Variants in KRT82 observed in about 807,000 individuals in gnomAD.
KRT82 encodes the protein keratin, type II cuticular Hb2.
Under a neutral mutation model 48.0 loss-of-function variants are expected in KRT82, and 44 were observed. That is an observed-to-expected ratio of 0.92 (90% CI 0.72 to 1.18). The LOEUF (loss-of-function observed/expected upper bound fraction) is 1.18. KRT82 is among the 50% of genes most tolerant of loss of function. The pLI, the probability that KRT82 is intolerant of heterozygous loss-of-function variation, is 0.00. For synonymous variants in KRT82, 297 were observed against 278.3 expected, an observed-to-expected ratio of 1.07 and a Z score of -0.67; for missense variants, 701 against 671.4, an observed-to-expected ratio of 1.04 and a Z score of -0.49.
In KRT82 at chr12:52,395,293, C is replaced by A; in HGVS notation, c.1322-98G>T. 9.5e-6 allele frequency: 9 copies of A among 946,114 alleles called. No homozygotes were observed. In the South Asian group the frequency reaches 1.3e-4, roughly 13 times the overall value. 58.6% of individuals were successfully genotyped at this position (946,114 alleles called of 1,614,324 possible). A position where few individuals can be genotyped will look rare whatever the true frequency, so the allele number is the denominator to read the frequency against. On this transcript the variant is annotated intron_variant, in intron 8 of 8. Transcript: ENST00000257974. ...GCCAGGCCATTCCTCCCACCTCCTG[C>A]CACTCACCTCTACAGACACCCCATT...
intron 6 of KRT82, among the ~76,000 whole-genome samples, chr12:52,396,462 G>A (rs1939717434): frequency 6.6e-6 from 1 of 152,178 alleles, no homozygotes; most frequent in South Asian, 2.1e-4. Context: ...ATTTCTGTGG[G>A]GTTAATATGT....
intron 5 of KRT82, among the ~76,000 whole-genome samples, chr12:52,397,863 A>G (rs371949305): frequency 2.3e-4 from 35 of 152,312 alleles, no homozygotes; most frequent in Non-Finnish European, 4.7e-4. Flanking sequence ...CCTGGCCAAC[A>G]TGGTGAAACC....
chr12:52,399,415 T>A (rs1177636053), intron 5 of KRT82, among the ~76,000 whole-genome samples: 1 of 152,172 alleles, frequency 6.6e-6, no homozygotes, highest in African/African-American at 2.4e-5. Flanking sequence ...GTTGAATGAG[T>A]GGACCAATGA....
At chr12:52,402,658 T>A (rs1939804689) in intron 2 of KRT82, among the ~76,000 whole-genome samples, 3 of 152,216 alleles carry the variant, frequency 2.0e-5, no homozygotes, top group African/African-American at 7.2e-5. Context: ...TCTCTGTTTG[T>A]GTGTAGGTGC....
rs1939708603 is a variant in KRT82 at position 52,396,030 on chromosome 12, AG to A, written c.1270del (p.Leu424TrpfsTer15). 1 of 1,614,030 alleles carries A rather than the reference AG, an allele frequency of 6.2e-7. No individual in the cohort carries two copies. Among genetic ancestry groups the A allele is most frequent in the East Asian group, 2.2e-5 (1 of 44,864 alleles). The part of the protein sequence containing the change: ...DIEIATYRRL[L>X]EGEEHRLCEG... ...AGCTCACCTGTGCTCTTCACCCTCCAGCAGGCGCCTGTAGGTGGCGATCTCG... is the reference window on the plus strand; with the variant it reads ...AGCTCACCTGTGCTCTTCACCCTCCACAGGCGCCTGTAGGTGGCGATCTCG... On this transcript the variant is annotated frameshift_variant, in exon 7 of 9. Transcript: ENST00000257974. LOFTEE classifies it low-confidence loss of function (END_TRUNC).
At position 52,395,743 on chromosome 12, in the gene KRT82, T is replaced by A. The variant is rs760664728; in HGVS notation, c.1321+16A>T. 7.5e-5 allele frequency: 117 copies of A among 1,559,062 alleles called. No homozygotes were observed. The highest frequency in any genetic ancestry group is 1.0e-4 in the Non-Finnish European group (117 of 1,157,098). The stretch of plus-strand genomic sequence containing the variant: ...CCAAGACTCCAGAGCCAGTGGGGCA[T>A]GGCTCATCTACTTACAGATATTCAC... On this transcript the variant is annotated intron_variant, in intron 8 of 8. Transcript: ENST00000257974.
intron 8 of KRT82, 110 bp from the exon 9 acceptor site, chr12:52,395,305 A>G (rs538905589): frequency 1.8e-5 from 15 of 852,896 alleles, no homozygotes; most frequent in African/African-American, 1.7e-4. Context: ...ACTCACCTCT[A>G]CAGACACCCC....
rs909034934 is a variant in KRT82 at position 52,396,205 on chromosome 12, C to T, written c.1096G>A (p.Glu366Lys). Residue 366 changes from glutamate to lysine, a missense_variant, in exon 7 of 9, where the codon GAG (glutamate) becomes AAG (lysine). Physicochemically the swap from Glu to Lys is moderately conservative, Grantham distance 56. Transcript: ENST00000257974. ...QRCKLEGAIA[E>K]AEQQGEAALN... Reference sequence around the variant, plus strand: ...GCCGCCTCGCCCTGCTGCTCTGCCTCAGCTATGGCACCCTCAAGTTTGCAG... The same window carrying T: ...GCCGCCTCGCCCTGCTGCTCTGCCTTAGCTATGGCACCCTCAAGTTTGCAG... The T allele has an allele frequency of 1.9e-6, 3 of 1,613,780 alleles. No homozygotes were observed. Among genetic ancestry groups the T allele is most frequent in the Admixed American group, 1.7e-5 (1 of 60,028 alleles).
chr12:52,397,795 C>T (rs1939734611), intron 5 of KRT82, among the ~76,000 whole-genome samples: 2 of 152,150 alleles, frequency 1.3e-5, no homozygotes, highest in Admixed American at 6.5e-5. Context: ...ACCTGTAATG[C>T]CAGCATTTTG....
At chr12:52,400,192 G>T (rs373779592) in intron 4 of KRT82, 43 bp from the exon 5 acceptor site, 7 of 1,582,930 alleles carry the variant, frequency 4.4e-6, no homozygotes, top group African/African-American at 1.3e-5. Flanking sequence ...CTCTCTGAGC[G>T]TCCGGGGACA....
At chr12:52,396,838 A>G in intron 6 of KRT82, 45 bp downstream of exon 6, 2 of 1,610,652 alleles carry the variant, frequency 1.2e-6, no homozygotes, top group Non-Finnish European at 1.7e-6. Flanking sequence ...CTGGCCAGTC[A>G]GCCCAGGATG....
chr12:52,395,990 A>G, intron 7 of KRT82, 22 bp downstream of exon 7: 1 of 1,612,770 alleles, frequency 6.2e-7, no homozygotes, highest in South Asian at 1.1e-5. Context: ...CCCATCTTTG[A>G]CCCCCTCCTG....
Position 52,394,999 on chromosome 12 carries a change from G to T in KRT82, c.1518C>A (p.Gly506=). 6.2e-7 allele frequency: 1 copy of T among 1,613,232 alleles called. No homozygotes were observed. Among genetic ancestry groups the T allele is most frequent in the Non-Finnish European group, 8.5e-7 (1 of 1,179,734 alleles). ...RKSSMTLGAG[G]SSPSHKH ...GCTAATGCTTGTGGCTGGGGGAGCTGCCCCCAGCTCCTAGCGTCATGCTGG... is the reference window on the plus strand; with the variant it reads ...GCTAATGCTTGTGGCTGGGGGAGCTTCCCCCAGCTCCTAGCGTCATGCTGG... The change falls in exon 9 of 9, where the codon GGC becomes GGA. Residue 506 remains glycine, a synonymous_variant. Transcript: ENST00000257974.
intron 3 of KRT82, 34 bp from the exon 4 acceptor site, chr12:52,400,656 T>C (rs1442155295): frequency 1.3e-6 from 2 of 1,502,502 alleles, no homozygotes; most frequent in Admixed American, 3.3e-5. Flanking sequence ...GTGACCTGGC[T>C]GGGCCACCTC....
chr12:52,394,996 G>A lies in KRT82; in HGVS notation c.1521C>T (p.Ser507=). ...KSSMTLGAGG[S]SPSHKH Reference sequence around the variant, plus strand: ...CATGCTAATGCTTGTGGCTGGGGGAGCTGCCCCCAGCTCCTAGCGTCATGC... The same window carrying A: ...CATGCTAATGCTTGTGGCTGGGGGAACTGCCCCCAGCTCCTAGCGTCATGC... The change falls in exon 9 of 9, where the codon AGC becomes AGT. Residue 507 remains serine (S), a synonymous_variant. Transcript: ENST00000257974. 3 of 1,613,358 alleles carry A rather than the reference G, an allele frequency of 1.9e-6. No homozygotes were observed. The highest frequency in any genetic ancestry group is 2.5e-6 in the Non-Finnish European group (3 of 1,179,858).
At position 52,403,801 on chromosome 12, in the gene KRT82, T is replaced by C. The variant is rs780699908; in HGVS notation, c.520A>G (p.Ser174Gly). 1.3e-5 allele frequency: 21 copies of C among 1,613,646 alleles called. No homozygotes were observed. The East Asian group carries it at 4.7e-4, about 36-fold the overall frequency. ...CAGTCCAGCTGCCGCCGAAGGGCGCTGATATAGCCCTCGAAGATGGGCTCG... is the reference window on the plus strand; with the variant it reads ...CAGTCCAGCTGCCGCCGAAGGGCGCCGATATAGCCCTCGAAGATGGGCTCG... ...NIEPIFEGYI[S>G]ALRRQLDCVS... Residue 174 changes from serine (S) to glycine (G), a missense_variant, in exon 2 of 9, where the codon AGC becomes GGC. By Grantham distance (56) the Ser-to-Gly change is moderately conservative. Coordinates refer to ENST00000257974, the MANE Select transcript of KRT82 (RefSeq NM_033033.4).
chr12:52,404,735 C>T (rs1019480487), intron 1 of KRT82, among the ~76,000 whole-genome samples: 1 of 152,130 alleles, frequency 6.6e-6, no homozygotes, highest in Non-Finnish European at 1.5e-5. Flanking sequence ...TAATTCGGGC[C>T]CATGTTTTTG....
Position 52,394,661 on chromosome 12 carries a change from G to C in KRT82, c.*314C>G, listed in dbSNP as rs1238094629. On this transcript the variant is annotated 3_prime_UTR_variant, in exon 9 of 9. Transcript: ENST00000257974. ...ATGGGATGATCCACAGAGCAGAACT[G>C]TGGTGTGCCCATTTGACCTTTTGGG... The C allele has an allele frequency of 4.7e-6, 2 of 427,080 alleles. No homozygotes were observed. The highest frequency in any genetic ancestry group is 8.7e-6 in the Non-Finnish European group (2 of 229,984). 26.5% of individuals were successfully genotyped at this position (427,080 alleles called of 1,614,324 possible).
intron 5 of KRT82, among the ~76,000 whole-genome samples, chr12:52,398,562 C>T (rs972198965): frequency 7.9e-5 from 12 of 151,074 alleles, no homozygotes; most frequent in Non-Finnish European, 1.5e-4. Context: ...AAGATTCTGA[C>T]TTAGCAGGAT....
Sources: gnomAD v4.1 joint callset for allele counts (sites outside exome capture counted in the v4.1 genomes callset) on GRCh38, gnomAD v4.1.1 for gene constraint, MANE v1.5 for transcripts, NCBI Gene and HGNC (gene_info 2026-07-23, HGNC 2026-07-21) for gene names.